The following NLRP14 variants were observed in gnomAD, a reference collection of about 807,000 sequenced individuals.
NLRP14 encodes the protein NLR family pyrin domain containing 14, also known as NACHT, LRR and PYD domains-containing protein 14.
Under a neutral mutation model 94.7 loss-of-function variants are expected in NLRP14, and 105 were observed. That is an observed-to-expected ratio of 1.11 (90% confidence interval 0.95 to 1.30). The LOEUF is 1.30. NLRP14 is among the 50% of genes most tolerant of loss of function. The probability of loss-of-function intolerance (pLI) is 0.00; values close to 1 mark genes in which losing one functional copy is unlikely to be tolerated. For missense variants in NLRP14, 1,362 were observed against 1,254.1 expected, an observed-to-expected ratio of 1.09 and a Z score of -1.30; for synonymous variants, 508 against 459.9, an observed-to-expected ratio of 1.10 and a Z score of -1.34.
In NLRP14 at chr11:7,062,317, A is replaced by T. The variant is rs761153900; in HGVS notation, c.2805-16A>T. ...CACAATGGAAGGATTCACTTTTCCT[A>T]TTGTAATTCTTACAGATTGATGGGC... is the stretch of plus-strand genomic sequence containing the variant. On this transcript the variant is annotated splice_polypyrimidine_tract_variant and intron_variant, in intron 9 of 11. Transcript: ENST00000299481. The T allele has an allele frequency of 1.9e-6, 3 of 1,607,156 alleles. No individual in the cohort carries two copies. The African/African-American group carries it at 4.0e-5, about 22-fold the overall frequency.
the NLRP14 span, among the ~76,000 whole-genome samples, chr11:7,088,844 G>C: frequency 6.6e-6 from 1 of 152,174 alleles, no homozygotes; most frequent in Admixed American, 6.5e-5. Context: ...CATTGAAGCC[G>C]TTAAGACCGG....
chr11:7,028,029 G>A (rs1852038701), intron 1 of NLRP14, among the ~76,000 whole-genome samples: 1 of 152,036 alleles, frequency 6.6e-6, no homozygotes, highest in East Asian at 1.9e-4. Context: ...ATTCCTCAGG[G>A]ATCAGTCTTT....
At chr11:7,086,019 A>G in the NLRP14 span, among the ~76,000 whole-genome samples, 1 of 152,214 alleles carries the variant, frequency 6.6e-6, no homozygotes, top group Non-Finnish European at 1.5e-5. Context: ...GGGTGTACAA[A>G]TATCTAAGAA....
At chr11:7,080,904 G>A in the NLRP14 span, among the ~76,000 whole-genome samples, 1 of 152,120 alleles carries the variant, frequency 6.6e-6, no homozygotes, top group South Asian at 2.1e-4. Flanking sequence ...TTGGTTTTAG[G>A]GTGAGGGGGC....
intron 10 of NLRP14, among the ~76,000 whole-genome samples, chr11:7,064,669 A>G (rs1852678230): frequency 6.6e-6 from 1 of 152,138 alleles, no homozygotes; most frequent in Non-Finnish European, 1.5e-5. Flanking sequence ...CATCTTTACA[A>G]TATTTACAGA....
rs184912140 is a variant in NLRP14 at position 7,055,008 on chromosome 11, C to G, written c.2292-2669C>G. The stretch of plus-strand genomic sequence containing the variant: ...TGTTGAGAGATAGGAGTCTAGTTTC[C>G]TTCTTTTACATATGAATATCCAGTT... On this transcript the variant is annotated intron_variant, in intron 6 of 11. Transcript: ENST00000299481. Among the ~76,000 whole-genome samples the G allele has an allele frequency of 3.9e-5, 6 of 152,122 alleles. No individual in the cohort carries two copies. In the East Asian group the frequency reaches 9.7e-4, roughly 24 times the overall value.
chr11:7,061,780 C>G (rs7102463), intron 9 of NLRP14, among the ~76,000 whole-genome samples: 1 of 151,908 alleles, frequency 6.6e-6, no homozygotes. Context: ...ATAGAAGAGA[C>G]GCAACAACAA....
intron 1 of NLRP14, among the ~76,000 whole-genome samples, chr11:7,021,160 C>T (rs187643368): frequency 1.3e-5 from 2 of 152,210 alleles, no homozygotes; most frequent in Admixed American, 6.5e-5. Context: ...ACACCACTTA[C>T]GAGATCTTGG....
At position 7,043,970 on chromosome 11, in the gene NLRP14, C is replaced by T; in HGVS notation, c.1944C>T (p.Leu648=). Residue 648 remains leucine (L), a synonymous_variant, in exon 4 of 12, where the codon CTC becomes CTT. Coordinates refer to ENST00000299481, the MANE Select transcript of NLRP14 (RefSeq NM_176822.4). Reference sequence around the variant, plus strand: ...AGAAGAAGATATTAAAAACAAGCCTCCCAACTAACACTTGGTAAGTGTGTT... The same window carrying T: ...AGAAGAAGATATTAAAAACAAGCCTTCCAACTAACACTTGGTAAGTGTGTT... ...VFEKKILKTS[L]PTNTWDGDRI... The T allele has an allele frequency of 1.2e-6, 2 of 1,614,118 alleles. No individual in the cohort carries two copies. Among genetic ancestry groups the T allele is most frequent in the Non-Finnish European group, 1.7e-6 (2 of 1,179,986 alleles).
At chr11:7,083,224 A>G in the NLRP14 span, among the ~76,000 whole-genome samples, 1 of 152,228 alleles carries the variant, frequency 6.6e-6, no homozygotes, top group Non-Finnish European at 1.5e-5. Context: ...ACACATTTGC[A>G]AAGGCATGTA....
the NLRP14 span, chr11:7,089,797 G>A: frequency 5.6e-6 from 9 of 1,601,800 alleles, no homozygotes; most frequent in South Asian, 3.3e-5. Flanking sequence ...CGAGACTACC[G>A]CGAACCCCGG....
intron 1 of NLRP14, among the ~76,000 whole-genome samples, chr11:7,024,774 A>T (rs1171096828): frequency 2.4e-5 from 2 of 84,222 alleles, no homozygotes; most frequent in African/African-American, 7.5e-5. Flanking sequence ...ATGTGAAAAA[A>T]GTATGTATTT....
the NLRP14 span, among the ~76,000 whole-genome samples, chr11:7,085,317 T>G: frequency 1.3e-5 from 2 of 152,210 alleles, no homozygotes; most frequent in Non-Finnish European, 2.9e-5. Context: ...TTCATACTGT[T>G]GTGTAACCAA....
intron 1 of NLRP14, among the ~76,000 whole-genome samples, chr11:7,027,353 C>G (rs943732017): frequency 6.6e-6 from 1 of 152,018 alleles, no homozygotes; most frequent in African/African-American, 2.4e-5. Context: ...CCAGCAGATT[C>G]AGTTTAGTGA....
intron 1 of NLRP14, among the ~76,000 whole-genome samples, chr11:7,029,861 G>T (rs1852066701): frequency 6.6e-6 from 1 of 152,260 alleles, no homozygotes. Context: ...CTAAGCTTCT[G>T]ATTTCTGGTT....
chr11:7,043,599 T>G lies in NLRP14; in HGVS notation c.1573T>G (p.Leu525Val). The stretch of plus-strand genomic sequence containing the variant: ...AAGCACAAGTTATAAAGACCCCCAT[T>G]TGACACAGATGAAGTGCTTTTTGTT... ...LQSTSYKDPH[L>V]TQMKCFLFGL... is the part of the protein sequence containing the mutation. Residue 525 changes from leucine (L) to valine (V), a missense_variant, in exon 4 of 12, where the codon TTG becomes GTG. Leu to Val is a conservative substitution (Grantham distance 32). Transcript: ENST00000299481. 1.9e-6 allele frequency: 3 copies of G among 1,614,176 alleles called. 1 individual carries two copies. The highest frequency in any genetic ancestry group is 2.5e-6 in the Non-Finnish European group (3 of 1,180,022).
chr11:7,058,428 C>T lies in NLRP14; in HGVS notation c.2611C>T (p.Gln871Ter), dbSNP rs1240810594. 2 of 1,612,168 alleles carry T rather than the reference C, an allele frequency of 1.2e-6. No homozygotes were observed. Among genetic ancestry groups the T allele is most frequent in the Non-Finnish European group, 1.7e-6 (2 of 1,178,480 alleles). ...KLMSDALQHA[Q>*]CTLKSLVLRR... ...TATGAGTGATGCCCTGCAACATGCA[C>T]AATGTACTCTGAAGAGCCTTGTGTA... The change falls in exon 8 of 12, where the codon CAA (glutamine) becomes TAA (stop). Residue 871 changes from glutamine (Q) to a stop codon, truncating the protein, a stop_gained. Transcript: ENST00000299481. LOFTEE classifies it high-confidence loss of function.
the NLRP14 span, chr11:7,089,863 T>A: frequency 6.2e-7 from 1 of 1,612,266 alleles, no homozygotes; most frequent in Non-Finnish European, 8.5e-7. Context: ...CACTCCAGTG[T>A]CCGGGACGAC....
chr11:7,077,630 A>G, the NLRP14 span, among the ~76,000 whole-genome samples: 1 of 152,264 alleles, frequency 6.6e-6, no homozygotes, highest in Non-Finnish European at 1.5e-5. Flanking sequence ...TTACAGTTCC[A>G]TGTGGCTGGG....
Sources: gnomAD v4.1 joint callset for allele counts (sites outside exome capture counted in the v4.1 genomes callset) on GRCh38, gnomAD v4.1.1 for gene constraint, MANE v1.5 for transcripts, NCBI Gene and HGNC (gene_info 2026-07-23, HGNC 2026-07-21) for gene names.